MROH7: variants seen among roughly 807,000 people sequenced by gnomAD.
MROH7 encodes maestro heat-like repeat-containing protein family member 7.
MROH7 carries 113 observed loss-of-function variants against 129.2 expected under a neutral mutation model. The observed-to-expected ratio is 0.87, with a 90% CI of 0.75 to 1.02. MROH7 has a LOEUF of 1.02. Ranked by LOEUF, MROH7 falls within the 50% of genes least tolerant of loss-of-function variation. The pLI is 0.00. For synonymous variants in MROH7, 655 were observed against 667.9 expected (o/e 0.98, Z 0.30); for missense variants, 1,601 against 1,671.3 (o/e 0.96, Z 0.73).
At chr1:54,702,869 T>A in intron 21 of MROH7, 124 bp downstream of exon 21, 1 of 1,194,034 alleles carries the variant, frequency 8.4e-7, no homozygotes, top group Non-Finnish European at 1.2e-6. Flanking sequence ...AAGTTGTTGG[T>A]TCTGGAACGT....
In MROH7 at chr1:54,673,008, C is replaced by T. The variant is rs552839942; in HGVS notation, c.1600-83C>T. ...TTCCTGGGTCTTAATTCCCCCTCCT[C>T]CCCTGACCTACACCAGGGGCCGCCT... On this transcript the variant is annotated intron_variant, in intron 7 of 23. Coordinates refer to ENST00000421030, the MANE Select transcript of MROH7 (RefSeq NM_001039464.4). 1.2e-5 allele frequency: 11 copies of T among 944,732 alleles called. No individual in the cohort carries two copies. In the Admixed American group the frequency reaches 1.4e-4, roughly 12 times the overall value. The allele number at this position is 944,732 out of a possible 1,614,324, so 58.5% of individuals were successfully genotyped here. A position where few individuals can be genotyped will look rare whatever the true frequency, so the allele number is the denominator to read the frequency against.
At chr1:54,704,327 A>G (rs1645491837) in intron 21 of MROH7, among the ~76,000 whole-genome samples, 1 of 152,008 alleles carries the variant, frequency 6.6e-6, no homozygotes, top group Non-Finnish European at 1.5e-5. Flanking sequence ...AGCACCCTGG[A>G]GAGCCCAGAC....
At chr1:54,680,146 TC>T in intron 13 of MROH7, 101 bp downstream of exon 13, 1 of 1,077,668 alleles carries the variant, frequency 9.3e-7, no homozygotes, top group Non-Finnish European at 1.4e-6. Flanking sequence ...CCCCTCGCCC[TC>T]CCAGATGGCC....
rs1443320391 is a variant in MROH7 at position 54,653,054 on chromosome 1, A to C, written c.128A>C (p.Gln43Pro). 1.2e-6 allele frequency: 2 copies of C among 1,613,998 alleles called. No homozygotes were observed. Among genetic ancestry groups the C allele is most frequent in the Admixed American group, 1.7e-5 (1 of 59,996 alleles). ...CCTCAGCCCCACCCAGACATGGCTC[A>C]GGTGCCTATGTTGAATCTGCTCCCA... ...TIPQPHPDMA[Q>P]VPMLNLLPSP... is the part of the protein sequence containing the mutation. The change falls in exon 3 of 24, where the codon CAG becomes CCG. Residue 43 changes from glutamine to proline, a missense_variant. Physicochemically the swap from Gln to Pro is moderately conservative, Grantham distance 76 (BLOSUM62 -1). Transcript: ENST00000421030.
At chr1:54,705,572 G>T (rs1645519877) in intron 21 of MROH7, among the ~76,000 whole-genome samples, 1 of 152,230 alleles carries the variant, frequency 6.6e-6, no homozygotes, top group Non-Finnish European at 1.5e-5. Flanking sequence ...CTGAGCTGAG[G>T]CTTAAAGGAT....
At chr1:54,673,597 C>A in intron 8 of MROH7, 104 bp from the exon 9 acceptor site, 1 of 812,216 alleles carries the variant, frequency 1.2e-6, no homozygotes, top group Non-Finnish European at 2.1e-6. Flanking sequence ...ACCTTTATAC[C>A]CTCTCTGGAA....
intron 3 of MROH7, among the ~76,000 whole-genome samples, chr1:54,662,489 T>C (rs1347069776): frequency 1.3e-5 from 2 of 149,552 alleles, no homozygotes; most frequent in South Asian, 2.1e-4. Context: ...TGAGCCGAGA[T>C]TGGCGCCACT....
chr1:54,696,679 TTTTTTTTTTTG>T (rs1645328340), intron 17 of MROH7, among the ~76,000 whole-genome samples: 1 of 141,478 alleles, frequency 7.1e-6, no homozygotes, highest in African/African-American at 2.7e-5. Flanking sequence ...TTTTTTTTTT[TTTTTTTTTTTG>T]AGATGGAGTC....
intron 11 of MROH7, 27 bp downstream of exon 11, chr1:54,678,881 C>T (rs1183333489): frequency 2.2e-5 from 34 of 1,558,824 alleles, no homozygotes; most frequent in Non-Finnish European, 2.3e-5. Flanking sequence ...CATCCAGGAG[C>T]GGAGGGTGGG....
At chr1:54,646,092 C>T (rs2101052028) in intron 1 of MROH7, among the ~76,000 whole-genome samples, 1 of 152,340 alleles carries the variant, frequency 6.6e-6, no homozygotes, top group African/African-American at 2.4e-5. Context: ...TTTATTCCTG[C>T]TGGTGCTGCC....
intron 22 of MROH7, among the ~76,000 whole-genome samples, chr1:54,707,508 G>C (rs867247435): frequency 1.3e-4 from 20 of 152,272 alleles, no homozygotes; most frequent in South Asian, 8.3e-4. Flanking sequence ...GTGGCGATAG[G>C]GGGTGGCTGT....
intron 17 of MROH7, chr1:54,695,800 T>G: frequency 2.5e-6 from 1 of 395,034 alleles, no homozygotes. Flanking sequence ...CTCAAGGAAT[T>G]TTTGGTGTGG....
At chr1:54,683,180 A>T (rs374388856) in intron 14 of MROH7, among the ~76,000 whole-genome samples, 199 of 152,250 alleles carry the variant, frequency 1.3e-3, no homozygotes, top group South Asian at 1.9e-3. Context: ...CTATTTTTTT[A>T]AAAAAATCCT....
intron 17 of MROH7, chr1:54,699,692 A>C (rs1645401465): frequency 9.8e-6 from 2 of 203,316 alleles, no homozygotes; most frequent in Non-Finnish European, 2.0e-5. Context: ...ACAGGGGCCC[A>C]TGGAGGAACA....
At position 54,673,190 on chromosome 1, in the gene MROH7, C is replaced by T. The variant is rs771452571; in HGVS notation, c.1695+4C>T. ...TGGGCTGAAGAGCATCTTGGAGGTGCGGAGATGGGAGGGGCAAGGAAGGGA... is the reference window on the plus strand; with the variant it reads ...TGGGCTGAAGAGCATCTTGGAGGTGTGGAGATGGGAGGGGCAAGGAAGGGA... On this transcript the variant is annotated splice_donor_region_variant and intron_variant, in intron 8 of 23. Coordinates refer to ENST00000421030, the MANE Select transcript of MROH7 (RefSeq NM_001039464.4). The T allele has an allele frequency of 5.1e-5, 82 of 1,607,954 alleles. No homozygotes were observed. In the South Asian group the frequency reaches 6.1e-4, roughly 12 times the overall value.
chr1:54,685,390 T>C lies in MROH7; in HGVS notation c.2521-868T>C, dbSNP rs376301743. Among the ~76,000 whole-genome samples the C allele has an allele frequency of 5.7e-3, 868 of 152,338 alleles. 9 individuals carry two copies. Among genetic ancestry groups the C allele is most frequent in the African/African-American group, 0.019 (787 of 41,566 alleles). On this transcript the variant is annotated intron_variant, in intron 14 of 23. Coordinates refer to ENST00000421030, the MANE Select transcript of MROH7 (RefSeq NM_001039464.4). Reference sequence around the variant, plus strand: ...GCATGCTTACCTTCGCCCTCTCATTTAGGCTCTAACACTCCTGTGGGGCTG... The same window carrying C: ...GCATGCTTACCTTCGCCCTCTCATTCAGGCTCTAACACTCCTGTGGGGCTG...
chr1:54,663,310 T>C lies in MROH7; in HGVS notation c.1232-1857T>C, dbSNP rs74691390. 9.7e-3 allele frequency among the ~76,000 whole-genome samples: 1,483 copies of C among 152,292 alleles called. 34 individuals are homozygous for C. The highest frequency in any genetic ancestry group is 0.034 in the African/African-American group (1,407 of 41,552). On this transcript the variant is annotated intron_variant, in intron 3 of 23. Transcript: ENST00000421030. ...CTCAACTTTTTCTCAATTTGATCAG[T>C]GGACTCCCCTTCAAGCAAACTTTTG...
intron 10 of MROH7, among the ~76,000 whole-genome samples, chr1:54,675,574 T>C (rs1221944058): frequency 6.7e-6 from 1 of 149,706 alleles, no homozygotes; most frequent in Non-Finnish European, 1.5e-5. Flanking sequence ...GGAGCCTCTG[T>C]GAGCCTATTC....
At position 54,695,388 on chromosome 1, in the gene MROH7, G is replaced by A. The variant is rs778542358; in HGVS notation, c.2862G>A (p.Gln954=). The change falls in exon 17 of 24, where the codon CAG becomes CAA. Residue 954 remains glutamine (Q), a synonymous_variant. Transcript: ENST00000421030. ...TTCCCACCCCCAGGGCCATGGTGCA[G>A]TACTCCTGCCAGGAGCTGTGCCGCA... ...GVALLARAMV[Q]YSCQELCRIL... 19 of 1,611,246 alleles carry A rather than the reference G, an allele frequency of 1.2e-5. No individual in the cohort carries two copies. In the East Asian group the frequency reaches 4.2e-4, roughly 36 times the overall value.
Sources: gnomAD v4.1 joint callset for allele counts (sites outside exome capture counted in the v4.1 genomes callset) on GRCh38, gnomAD v4.1.1 for gene constraint, MANE v1.5 for transcripts, NCBI Gene and HGNC (gene_info 2026-07-23, HGNC 2026-07-21) for gene names.